The following CAST variants were observed in gnomAD, a reference collection of about 807,000 sequenced individuals.
CAST encodes the protein calpastatin, also known as MIR583 host.
A neutral mutation model predicts 119.6 loss-of-function variants in CAST; 76 were observed. That is an observed-to-expected ratio of 0.64 (90% CI 0.53 to 0.77). The LOEUF (loss-of-function observed/expected upper bound fraction) is 0.77. Ranked by LOEUF, CAST falls within the 30% of genes least tolerant of loss-of-function variation. CAST has a pLI of 0.00. For missense variants in CAST, 953 were observed against 946.5 expected (o/e 1.01, Z -0.09); for synonymous variants, 319 against 331.6 (o/e 0.96, Z 0.41).
the CAST span, among the ~76,000 whole-genome samples, chr5:96,141,150 T>C: frequency 6.6e-6 from 1 of 152,344 alleles, no homozygotes; most frequent in South Asian, 2.1e-4. Flanking sequence ...TTCACTGCAT[T>C]CATAATTCAG....
In CAST at chr5:96,733,186, T is replaced by C. The variant is rs566975826; in HGVS notation, c.630+2326T>C. 2.2e-3 allele frequency among the ~76,000 whole-genome samples: 328 copies of C among 152,308 alleles called. 5 individuals carry two copies. The highest frequency in any genetic ancestry group is 7.4e-3 in the African/African-American group (309 of 41,572). On this transcript the variant is annotated intron_variant, in intron 9 of 31. Transcript: ENST00000675179. ...TATCAAACTTAAAATTGTTTTTTCT[T>C]GCAATAGATCACTTGTATACTACCT... is the stretch of plus-strand genomic sequence containing the variant.
At chr5:96,746,216 G>C (rs532029162) in intron 16 of CAST, 126 bp from the exon 17 acceptor site, 24 of 668,180 alleles carry the variant, frequency 3.6e-5, no homozygotes, top group African/African-American at 3.1e-4. Context: ...AGTTTACAAG[G>C]CTCTTCCAGA....
At chr5:96,565,302 G>T (rs62365744) in intron 1 of CAST, among the ~76,000 whole-genome samples, 1 of 151,944 alleles carries the variant, frequency 6.6e-6, no homozygotes, top group African/African-American at 2.4e-5. Flanking sequence ...AATATTTGAG[G>T]TGATAAATAT....
At chr5:96,428,371 A>T in the CAST span, among the ~76,000 whole-genome samples, 12 of 152,196 alleles carry the variant, frequency 7.9e-5, no homozygotes, top group Non-Finnish European at 1.3e-4. Context: ...CACAGATATC[A>T]GGCGAATCAG....
the CAST span, among the ~76,000 whole-genome samples, chr5:96,387,890 C>A: frequency 6.6e-6 from 1 of 152,172 alleles, no homozygotes; most frequent in Non-Finnish European, 1.5e-5. Flanking sequence ...GACAGGGATA[C>A]AGGAAATGAA....
the CAST span, among the ~76,000 whole-genome samples, chr5:96,088,402 C>A: frequency 6.6e-6 from 1 of 152,146 alleles, no homozygotes; most frequent in Non-Finnish European, 1.5e-5. Flanking sequence ...AACAGCTCAG[C>A]AAGGGGAACA....
the CAST span, among the ~76,000 whole-genome samples, chr5:96,177,111 A>T: frequency 1.3e-5 from 2 of 152,226 alleles, no homozygotes; most frequent in Non-Finnish European, 2.9e-5. Context: ...TATTATTATT[A>T]ATTTTAGAGA....
rs773110480 is a variant in CAST, at chr5:96,695,879, A to G, written c.182A>G (p.Tyr61Cys). Residue 61 changes from tyrosine to cysteine, a missense_variant, in exon 3 of 32, where the codon TAT becomes TGT. Transcript: ENST00000675179. ...GGCAGCAGTCAATCCTCCAGAACCT[A>G]TGCTGGTGGAACAGCCTCGGCCACC... is the stretch of plus-strand genomic sequence containing the variant. ...SLGSSQSSRT[Y>C]AGGTASATKV... The G allele has an allele frequency of 1.7e-5, 27 of 1,613,094 alleles. No individual in the cohort carries two copies. Among genetic ancestry groups the G allele is most frequent in the Non-Finnish European group, 2.2e-5 (26 of 1,179,410 alleles).
At chr5:96,351,481 C>G in the CAST span, among the ~76,000 whole-genome samples, 1 of 152,094 alleles carries the variant, frequency 6.6e-6, no homozygotes, top group Non-Finnish European at 1.5e-5. Context: ...TGACAGAAAT[C>G]AGAACACTCA....
At chr5:96,568,287 G>T (rs896834186) in intron 1 of CAST, among the ~76,000 whole-genome samples, 1 of 152,064 alleles carries the variant, frequency 6.6e-6, no homozygotes, top group Non-Finnish European at 1.5e-5. Context: ...TCAGAAGGCC[G>T]GACACGGTGG....
At chr5:96,226,042 G>A in the CAST span, among the ~76,000 whole-genome samples, 1 of 152,208 alleles carries the variant, frequency 6.6e-6, no homozygotes, top group Admixed American at 6.5e-5. Context: ...TCTCTGATCA[G>A]CTTCTAATAT....
chr5:96,730,965 T>G, intron 9 of CAST, 105 bp downstream of exon 9: 1 of 790,482 alleles, frequency 1.3e-6, no homozygotes, highest in Non-Finnish European at 2.2e-6. Flanking sequence ...AACTGAACAC[T>G]GCTTATATGT....
chr5:96,587,083 GTTAT>G (rs1478318599), intron 1 of CAST, among the ~76,000 whole-genome samples: 1 of 152,172 alleles, frequency 6.6e-6, no homozygotes, highest in Non-Finnish European at 1.5e-5. Context: ...TGAACAGAGT[GTTAT>G]TTCTTTCTAT....
At chr5:96,083,707 T>C in the CAST span, among the ~76,000 whole-genome samples, 9 of 152,236 alleles carry the variant, frequency 5.9e-5, no homozygotes, top group African/African-American at 1.9e-4. Context: ...GAGGGCACCA[T>C]AAATTGACTT....
At chr5:96,019,611 T>C in the CAST span, among the ~76,000 whole-genome samples, 1 of 152,142 alleles carries the variant, frequency 6.6e-6, no homozygotes, top group African/African-American at 2.4e-5. Context: ...AAAAAATTCA[T>C]CTGCTTCTGA....
chr5:96,000,180 A>G, the CAST span, among the ~76,000 whole-genome samples: 8 of 152,072 alleles, frequency 5.3e-5, no homozygotes, highest in Non-Finnish European at 1.2e-4. Context: ...TGTTTTGCAA[A>G]TACCTCTTAC....
At chr5:96,521,083 A>G (rs1004864840), upstream of CAST, among the ~76,000 whole-genome samples, 2 of 152,200 alleles carry the variant, frequency 1.3e-5, no homozygotes, top group East Asian at 1.9e-4. Context: ...CACATCTTGT[A>G]TAGACCACTA....
chr5:96,274,986 C>A, the CAST span, among the ~76,000 whole-genome samples: 3 of 152,164 alleles, frequency 2.0e-5, no homozygotes, highest in Non-Finnish European at 4.4e-5. Flanking sequence ...GGGCAGTGAA[C>A]AATTTATACT....
At chr5:96,535,523 A>G (rs1393762840) in intron 1 of CAST, among the ~76,000 whole-genome samples, 2 of 151,560 alleles carry the variant, frequency 1.3e-5, no homozygotes, top group Non-Finnish European at 2.9e-5. Context: ...CAGGTAAAAT[A>G]TAGGAGACTC....
Sources: gnomAD v4.1 joint callset for allele counts (sites outside exome capture counted in the v4.1 genomes callset) on GRCh38, gnomAD v4.1.1 for gene constraint, MANE v1.5 for transcripts, NCBI Gene and HGNC (gene_info 2026-07-23, HGNC 2026-07-21) for gene names.